The following JAZF1 variants were observed in gnomAD, a reference collection of about 807,000 sequenced individuals.
JAZF1 encodes the protein juxtaposed with another zinc finger protein 1.
In JAZF1, 8 loss-of-function variants were observed where a neutral mutation model predicts 26.4. The observed-to-expected ratio is 0.30, with a 90% CI of 0.18 to 0.55. The LOEUF is 0.55. JAZF1 is among the 20% of genes least tolerant of loss of function. The pLI is 0.94. For missense variants in JAZF1, 199 were observed against 322.0 expected, an observed-to-expected ratio of 0.62 and a Z score of 2.92; for synonymous variants, 126 against 122.3, an observed-to-expected ratio of 1.03 and a Z score of -0.20.
intron 2 of JAZF1, among the ~76,000 whole-genome samples, chr7:27,979,936 T>C (rs865867548): frequency 1.7e-4 from 26 of 152,348 alleles, no homozygotes; most frequent in Middle Eastern, 3.4e-3. Context: ...ACCTCTCTCA[T>C]AGAGTTTCCA....
At chr7:27,901,146 G>C (rs899857985) in intron 2 of JAZF1, among the ~76,000 whole-genome samples, 9 of 152,048 alleles carry the variant, frequency 5.9e-5, no homozygotes, top group Admixed American at 1.3e-4. Flanking sequence ...GAAAATCTGC[G>C]GTCAGGCAAA....
At position 27,968,207 on chromosome 7, in the gene JAZF1, G is replaced by A. The variant is rs115251602; in HGVS notation, c.188+23702C>T. ...AGACACAATTAAATGAAAGTTAAAC[G>A]AAGACCACCTGAAATTCCAGATTAA... On this transcript the variant is annotated intron_variant, in intron 2 of 4. Coordinates refer to ENST00000283928, the MANE Select transcript of JAZF1 (RefSeq NM_175061.4). 3.7e-3 allele frequency among the ~76,000 whole-genome samples: 561 copies of A among 152,232 alleles called. 4 individuals are homozygous for A. Among genetic ancestry groups the A allele is most frequent in the African/African-American group, 0.013 (520 of 41,540 alleles).
intron 2 of JAZF1, among the ~76,000 whole-genome samples, chr7:27,978,369 G>A (rs566875633): frequency 6.6e-6 from 1 of 152,184 alleles, no homozygotes; most frequent in Non-Finnish European, 1.5e-5. Context: ...GATAGTTTCT[G>A]AGCAAAAAAC....
chr7:27,833,461 T>C (rs989587872), intron 4 of JAZF1, among the ~76,000 whole-genome samples: 1 of 152,240 alleles, frequency 6.6e-6, no homozygotes, highest in African/African-American at 2.4e-5. Context: ...TAGATAACTG[T>C]GTTAACAGTT....
At chr7:28,025,497 T>TTGGAG (rs200294770) in intron 1 of JAZF1, among the ~76,000 whole-genome samples, 127,649 of 151,800 alleles carry the variant, frequency 0.84, 54,312 homozygotes, top group Non-Finnish European at 0.89. Flanking sequence ...ATAAGCAGTC[T>TTGGAG]TCAAACCCAG....
chr7:28,168,504 C>A (rs1783404078), intron 1 of JAZF1, among the ~76,000 whole-genome samples: 1 of 151,864 alleles, frequency 6.6e-6, no homozygotes, highest in African/African-American at 2.4e-5. Flanking sequence ...TCCAACATGG[C>A]AACACTGGGT....
chr7:28,106,995 A>G (rs1185267531), intron 1 of JAZF1, among the ~76,000 whole-genome samples: 6 of 152,204 alleles, frequency 3.9e-5, no homozygotes, highest in Admixed American at 3.9e-4. Context: ...CAGGAAAATT[A>G]TGTAAATTAT....
intron 3 of JAZF1, among the ~76,000 whole-genome samples, chr7:27,870,878 C>T (rs530388009): frequency 1.3e-4 from 20 of 152,232 alleles, no homozygotes; most frequent in Non-Finnish European, 2.9e-4. Context: ...TCCACCCAAA[C>T]AAGCTGCTTA....
intron 3 of JAZF1, among the ~76,000 whole-genome samples, chr7:27,882,095 C>G (rs1307525230): frequency 1.3e-5 from 2 of 152,152 alleles, no homozygotes; most frequent in Non-Finnish European, 2.9e-5. Flanking sequence ...TTCAGGCTCC[C>G]TGAGAATGAT....
At chr7:27,968,619 T>A (rs567217645) in intron 2 of JAZF1, among the ~76,000 whole-genome samples, 16 of 152,362 alleles carry the variant, frequency 1.1e-4, no homozygotes, top group African/African-American at 3.8e-4. Flanking sequence ...CAGAAAGTGC[T>A]ATTTTCAAAA....
At chr7:27,969,575 G>A (rs1217100455) in intron 2 of JAZF1, among the ~76,000 whole-genome samples, 3 of 152,106 alleles carry the variant, frequency 2.0e-5, no homozygotes, top group African/African-American at 7.2e-5. Context: ...ACTGACACGA[G>A]TGCAATGACC....
chr7:27,838,896 TG>T (rs1393355418), intron 4 of JAZF1, among the ~76,000 whole-genome samples: 1 of 152,152 alleles, frequency 6.6e-6, no homozygotes, highest in Non-Finnish European at 1.5e-5. Context: ...TGCCAGTTAA[TG>T]GGGCTGGAGC....
At chr7:28,076,495 T>G (rs901701450) in intron 1 of JAZF1, among the ~76,000 whole-genome samples, 2 of 152,112 alleles carry the variant, frequency 1.3e-5, no homozygotes, top group African/African-American at 4.8e-5. Flanking sequence ...CATGACTGGC[T>G]TTGCTAAAAA....
chr7:27,888,780 C>T lies in JAZF1; in HGVS notation c.385+6440G>A, dbSNP rs58890703. ...TATATTAAGAATCTAAACAAGAAAA[C>T]CTAAAAATTGGTTTAATTTCCTTGG... On this transcript the variant is annotated intron_variant, in intron 3 of 4. Transcript: ENST00000283928. 6.7e-3 allele frequency among the ~76,000 whole-genome samples: 1,020 copies of T among 152,148 alleles called. 11 individuals are homozygous for T. The highest frequency in any genetic ancestry group is 0.023 in the African/African-American group (975 of 41,490).
intron 1 of JAZF1, among the ~76,000 whole-genome samples, chr7:28,080,810 G>A (rs1318825197): frequency 6.6e-6 from 1 of 151,996 alleles, no homozygotes; most frequent in African/African-American, 2.4e-5. Flanking sequence ...ACCGATCACA[G>A]ATCACAATGA....
chr7:28,155,430 C>A (rs190784313), intron 1 of JAZF1, among the ~76,000 whole-genome samples: 1 of 152,224 alleles, frequency 6.6e-6, no homozygotes. Flanking sequence ...GATAGAGGCA[C>A]AAGTCCATTA....
intron 1 of JAZF1, among the ~76,000 whole-genome samples, chr7:28,075,217 C>T (rs1284139414): frequency 6.6e-6 from 1 of 152,112 alleles, no homozygotes; most frequent in Non-Finnish European, 1.5e-5. Flanking sequence ...GGGCTGTTGG[C>T]AGCATTTTCC....
chr7:28,103,498 C>T (rs1166917179), intron 1 of JAZF1, among the ~76,000 whole-genome samples: 2 of 152,090 alleles, frequency 1.3e-5, no homozygotes, highest in African/African-American at 4.8e-5. Flanking sequence ...TATCATTTGG[C>T]ATCCAACAGG....
chr7:27,871,904 G>A (rs1420891307), intron 3 of JAZF1, among the ~76,000 whole-genome samples: 2 of 152,282 alleles, frequency 1.3e-5, no homozygotes, highest in South Asian at 4.1e-4. Context: ...ATGGAAGGCT[G>A]GGAGAAAGTG....
Sources: gnomAD v4.1 joint callset for allele counts (sites outside exome capture counted in the v4.1 genomes callset) on GRCh38, gnomAD v4.1.1 for gene constraint, MANE v1.5 for transcripts, NCBI Gene and HGNC (gene_info 2026-07-23, HGNC 2026-07-21) for gene names.